The following TLK2 variants were observed in gnomAD, a reference collection of about 807,000 sequenced individuals.
The protein encoded by TLK2 is serine/threonine-protein kinase tousled-like 2.
TLK2 carries 6 observed loss-of-function variants against 117.3 expected under a neutral mutation model. That is an observed-to-expected ratio of 0.05 (90% CI 0.03 to 0.10). The LOEUF (loss-of-function observed/expected upper bound fraction) is 0.10, where lower values mean the gene tolerates loss of function less well. TLK2 is among the 10% of genes least tolerant of loss of function. The pLI is 1.00. For synonymous variants in TLK2, 257 were observed against 316.7 expected (o/e 0.81, Z 2.00); for missense variants, 299 against 901.2 (o/e 0.33, Z 8.56).
intron 7 of TLK2, among the ~76,000 whole-genome samples, chr17:62,539,038 TA>T: frequency 6.6e-6 from 1 of 152,308 alleles, no homozygotes; most frequent in South Asian, 2.1e-4. Flanking sequence ...TGGCAAGGAT[TA>T]ATAAGTTTGA....
intron 6 of TLK2, among the ~76,000 whole-genome samples, chr17:62,526,943 TC>T (rs2076402619): frequency 6.6e-6 from 1 of 152,182 alleles, no homozygotes; most frequent in Admixed American, 6.5e-5. Flanking sequence ...GCTCAACACT[TC>T]CTAGACTGAA....
chr17:62,559,512 G>A (rs1421482135), intron 9 of TLK2, among the ~76,000 whole-genome samples: 3 of 151,852 alleles, frequency 2.0e-5, no homozygotes, highest in African/African-American at 7.3e-5. Flanking sequence ...CGAGTAGCTG[G>A]AATTACAGGC....
intron 6 of TLK2, among the ~76,000 whole-genome samples, chr17:62,535,541 C>A (rs911597998): frequency 2.0e-5 from 3 of 151,890 alleles, no homozygotes; most frequent in African/African-American, 7.3e-5. Context: ...CTGAGGCGGG[C>A]AGATCACCTG....
intron 1 of TLK2, among the ~76,000 whole-genome samples, chr17:62,472,488 C>T (rs1305439141): frequency 6.6e-6 from 1 of 151,880 alleles, no homozygotes; most frequent in African/African-American, 2.4e-5. Context: ...CCTGTAATCC[C>T]AGCACTTTGG....
chr17:62,580,668 C>T (rs2081147796), intron 15 of TLK2, among the ~76,000 whole-genome samples: 2 of 152,126 alleles, frequency 1.3e-5, no homozygotes, highest in Admixed American at 6.5e-5. Context: ...GCTTAGAGTG[C>T]TTCAGTTGGG....
intron 7 of TLK2, among the ~76,000 whole-genome samples, chr17:62,544,220 G>T (rs2077741228): frequency 6.6e-6 from 1 of 152,134 alleles, no homozygotes; most frequent in Admixed American, 6.6e-5. Context: ...CTGCTACAAA[G>T]AACTACCTGA....
At chr17:62,521,812 C>G (rs1186954714) in intron 3 of TLK2, among the ~76,000 whole-genome samples, 2 of 152,008 alleles carry the variant, frequency 1.3e-5, no homozygotes, top group African/African-American at 4.8e-5. Context: ...CTACTTTGTA[C>G]TTTGCAGATC....
At chr17:62,601,559 A>G (rs1208996488) in intron 18 of TLK2, among the ~76,000 whole-genome samples, 2 of 152,196 alleles carry the variant, frequency 1.3e-5, no homozygotes, top group Non-Finnish European at 2.9e-5. Flanking sequence ...AAAGATGGCT[A>G]TTTTGTGAAT....
At chr17:62,610,203 G>A (rs1352669281) in intron 21 of TLK2, among the ~76,000 whole-genome samples, 3 of 152,222 alleles carry the variant, frequency 2.0e-5, no homozygotes, top group African/African-American at 7.2e-5. Flanking sequence ...TCTGTTAGAT[G>A]AACTTGTTGT....
At chr17:62,530,667 C>A (rs572741117) in intron 6 of TLK2, among the ~76,000 whole-genome samples, 3 of 152,084 alleles carry the variant, frequency 2.0e-5, no homozygotes, top group African/African-American at 7.2e-5. Flanking sequence ...TATCAGTGTT[C>A]GTTTAGGTTT....
At chr17:62,528,933 C>T (rs1300555854) in intron 6 of TLK2, among the ~76,000 whole-genome samples, 3 of 152,194 alleles carry the variant, frequency 2.0e-5, no homozygotes, top group Non-Finnish European at 2.9e-5. Flanking sequence ...TCACAACTCC[C>T]ACTACCCTAG....
At chr17:62,533,008 C>G (rs190250032) in intron 6 of TLK2, among the ~76,000 whole-genome samples, 1 of 152,100 alleles carries the variant, frequency 6.6e-6, no homozygotes, top group Admixed American at 6.6e-5. Context: ...TTTTAACTTG[C>G]ATTTGTTCAT....
intron 16 of TLK2, among the ~76,000 whole-genome samples, chr17:62,586,606 A>T (rs924516532): frequency 1.3e-5 from 2 of 152,000 alleles, no homozygotes; most frequent in Non-Finnish European, 2.9e-5. Flanking sequence ...CAGATCACGA[A>T]GTCAGGAGAT....
At chr17:62,551,368 G>A (rs2146186804) in intron 7 of TLK2, among the ~76,000 whole-genome samples, 1 of 152,256 alleles carries the variant, frequency 6.6e-6, no homozygotes, top group Admixed American at 6.5e-5. Context: ...ACTTATGTCT[G>A]TGATGGGTCA....
chr17:62,474,916 C>T (rs2071008753), upstream of TLK2, among the ~76,000 whole-genome samples: 1 of 151,988 alleles, frequency 6.6e-6, no homozygotes, highest in Non-Finnish European at 1.5e-5. Context: ...CCTGCCTCAG[C>T]CTCCTAAGAG....
chr17:62,492,783 C>T (rs1015130797), intron 2 of TLK2, among the ~76,000 whole-genome samples: 5 of 152,132 alleles, frequency 3.3e-5, no homozygotes, highest in East Asian at 1.9e-4. Flanking sequence ...CTTCCCAAAT[C>T]GTAACTCCAT....
At chr17:62,536,086 T>C (rs1416521596) in intron 6 of TLK2, 84 bp from the exon 7 acceptor site, 5 of 1,463,440 alleles carry the variant, frequency 3.4e-6, no homozygotes, top group Non-Finnish European at 4.6e-6. Flanking sequence ...TTATATTTGA[T>C]AACTGTTTTT....
At chr17:62,564,572 G>A (rs1257806868) in intron 10 of TLK2, among the ~76,000 whole-genome samples, 5 of 150,114 alleles carry the variant, frequency 3.3e-5, no homozygotes, top group African/African-American at 1.2e-4. Flanking sequence ...TCCGGACGTG[G>A]TGGCATGCAC....
At chr17:62,482,386 T>C (rs1166969379) in intron 2 of TLK2, among the ~76,000 whole-genome samples, 1 of 151,874 alleles carries the variant, frequency 6.6e-6, no homozygotes, top group African/African-American at 2.4e-5. Flanking sequence ...TGAGGTTTAG[T>C]TGGAAAAATG....
Sources: gnomAD v4.1 joint callset for allele counts (sites outside exome capture counted in the v4.1 genomes callset) on GRCh38, gnomAD v4.1.1 for gene constraint, MANE v1.5 for transcripts, NCBI Gene and HGNC (gene_info 2026-07-23, HGNC 2026-07-21) for gene names.